The following SBNO1 variants were observed in gnomAD, a reference collection of about 807,000 sequenced individuals.
SBNO1 encodes the protein strawberry notch homolog 1, also known as protein strawberry notch homolog 1.
In SBNO1, 23 loss-of-function variants were observed where a neutral mutation model predicts 173.6. The observed-to-expected ratio is 0.13, with a 90% confidence interval of 0.10 to 0.19. The LOEUF (loss-of-function observed/expected upper bound fraction) is 0.19, where lower values mean the gene tolerates loss of function less well. SBNO1 is among the 10% of genes least tolerant of loss of function. The probability of loss-of-function intolerance (pLI) is 1.00; values close to 1 mark genes in which losing one functional copy is unlikely to be tolerated. For missense variants in SBNO1, 1,238 were observed against 1,671.2 expected, an observed-to-expected ratio of 0.74 and a Z score of 4.52; for synonymous variants, 632 against 571.5, an observed-to-expected ratio of 1.11 and a Z score of -1.51.
Position 123,334,206 on chromosome 12 carries a change from A to G in SBNO1, c.756T>C (p.Ile252=). The change falls in exon 7 of 32, where the codon ATT becomes ATC. Residue 252 remains isoleucine (I), a synonymous_variant. Coordinates refer to ENST00000602398, the MANE Select transcript of SBNO1 (RefSeq NM_001167856.3). Reference sequence around the variant, plus strand: ...CTACAGCATCTGGATGACGTAGGCCAATTTTTACTAAACAAAAATGTAAAA... The same window carrying G: ...CTACAGCATCTGGATGACGTAGGCCGATTTTTACTAAACAAAAATGTAAAA... The part of the protein sequence containing the change: ...YAEYMPIKLK[I]GLRHPDAVVE... 1 of 1,556,884 alleles carries G rather than the reference A, an allele frequency of 6.4e-7. No homozygotes were observed. Among genetic ancestry groups the G allele is most frequent in the Non-Finnish European group, 8.7e-7 (1 of 1,155,710 alleles).
rs538218167 is a variant in SBNO1 at position 123,299,681 on chromosome 12, C to CAAA, written c.3846-1513_3846-1511dup. On this transcript the variant is annotated intron_variant, in intron 30 of 31. Coordinates refer to ENST00000602398, the MANE Select transcript of SBNO1 (RefSeq NM_001167856.3). ...GGGCGACACAGCAAGACTCTGTCTT[C>CAAA]AAAAAAAAAAAAAAAAAACAAAAAA... 8.3e-3 allele frequency among the ~76,000 whole-genome samples: 783 copies of CAAA among 93,874 alleles called. 41 individuals are homozygous for CAAA. The highest frequency in any genetic ancestry group is 0.017 in the African/African-American group (367 of 20,984). The allele number at this position is 93,874 out of a possible 152,430, so 61.6% of individuals were successfully genotyped here.
intron 28 of SBNO1, 60 bp downstream of exon 28, chr12:123,309,250 A>T: frequency 8.1e-7 from 1 of 1,229,840 alleles, no homozygotes. Flanking sequence ...AGAGACAATT[A>T]CAATGCTGGC....
intron 10 of SBNO1, 63 bp from the exon 11 acceptor site, chr12:123,328,090 A>G (rs969122469): frequency 6.0e-6 from 8 of 1,329,138 alleles, no homozygotes; most frequent in Non-Finnish European, 8.4e-6. Context: ...CAGTCTTTCA[A>G]GAAGAGTTAA....
At chr12:123,310,975 T>G (rs1868410846) in intron 25 of SBNO1, 80 bp downstream of exon 25, 1 of 1,063,276 alleles carries the variant, frequency 9.4e-7, no homozygotes, top group African/African-American at 1.6e-5. Context: ...AAGCTTCCCC[T>G]TCAGCTCAAA....
chr12:123,339,421 G>C (rs1175444347), intron 5 of SBNO1, among the ~76,000 whole-genome samples: 4 of 151,708 alleles, frequency 2.6e-5, no homozygotes, highest in African/African-American at 9.7e-5. Context: ...TACTCAGTCT[G>C]CACCCCAACT....
chr12:123,330,282 G>A, intron 9 of SBNO1, 137 bp downstream of exon 9: 10 of 634,064 alleles, frequency 1.6e-5, no homozygotes. Context: ...ATAGTGGCTA[G>A]CACTCACTAT....
At chr12:123,306,632 G>GC (rs2048921380) in intron 28 of SBNO1, among the ~76,000 whole-genome samples, 1 of 152,110 alleles carries the variant, frequency 6.6e-6, no homozygotes, top group African/African-American at 2.4e-5. Context: ...GTGAGAGGAT[G>GC]GATCAAGCCC....
intron 1 of SBNO1, among the ~76,000 whole-genome samples, chr12:123,363,308 T>C (rs1460940347): frequency 1.3e-5 from 2 of 152,144 alleles, no homozygotes; most frequent in Non-Finnish European, 2.9e-5. Flanking sequence ...TGTGCAACGA[T>C]GATAGCTTTC....
At chr12:123,343,799 G>A (rs1305342550) in intron 4 of SBNO1, among the ~76,000 whole-genome samples, 5 of 152,086 alleles carry the variant, frequency 3.3e-5, no homozygotes, top group Admixed American at 2.0e-4. Context: ...GGCTCCAAAC[G>A]TGCTGGGATT....
rs1593316587 is a variant in SBNO1, at chr12:123,297,960, A to C, written c.4039+18T>G. On this transcript the variant is annotated intron_variant, in intron 31 of 31. Transcript: ENST00000602398. ...GATTTTTTCCTGCAACTCAAACCAA[A>C]ACAAAAATTAGACTCACCTACAATC... The C allele has an allele frequency of 2.5e-6, 4 of 1,608,334 alleles. No homozygotes were observed. In the East Asian group the frequency reaches 8.9e-5, roughly 36 times the overall value.
At chr12:123,317,632 G>A (rs143603744) in intron 20 of SBNO1, among the ~76,000 whole-genome samples, 82 of 152,260 alleles carry the variant, frequency 5.4e-4, no homozygotes, top group African/African-American at 1.8e-3. Flanking sequence ...AAATGTAGAG[G>A]TACTGACAAG....
chr12:123,307,518 G>C (rs2048950141), intron 28 of SBNO1, among the ~76,000 whole-genome samples: 1 of 152,144 alleles, frequency 6.6e-6, no homozygotes. Flanking sequence ...CATACATGTA[G>C]GTACTTCATA....
chr12:123,346,651 G>A (rs1004410111), intron 3 of SBNO1, among the ~76,000 whole-genome samples: 13 of 152,048 alleles, frequency 8.5e-5, no homozygotes, highest in African/African-American at 1.9e-4. Context: ...GCGACAGAGC[G>A]AGACTCCATC....
At chr12:123,357,688 G>A (rs1874623110) in intron 1 of SBNO1, among the ~76,000 whole-genome samples, 1 of 151,926 alleles carries the variant, frequency 6.6e-6, no homozygotes, top group Non-Finnish European at 1.5e-5. Context: ...CCGGAAAGTG[G>A]AGGTTACAGT....
intron 20 of SBNO1, among the ~76,000 whole-genome samples, chr12:123,319,206 C>G (rs1869673978): frequency 6.6e-6 from 1 of 152,060 alleles, no homozygotes; most frequent in Admixed American, 6.6e-5. Context: ...ACCTCATGAT[C>G]TGCCCATCTC....
chr12:123,346,687 A>C (rs966950626), intron 3 of SBNO1, among the ~76,000 whole-genome samples: 3 of 151,904 alleles, frequency 2.0e-5, no homozygotes, highest in Non-Finnish European at 2.9e-5. Context: ...TAAAAGAATA[A>C]AAATAATAAA....
At position 123,317,202 on chromosome 12, in the gene SBNO1, C is replaced by A; in HGVS notation, c.2935+19G>T. 6.2e-7 allele frequency: 1 copy of A among 1,612,934 alleles called. No homozygotes were observed. The highest frequency in any genetic ancestry group is 8.5e-7 in the Non-Finnish European group (1 of 1,179,172). On this transcript the variant is annotated intron_variant, in intron 21 of 31. Coordinates refer to ENST00000602398, the MANE Select transcript of SBNO1 (RefSeq NM_001167856.3). The stretch of plus-strand genomic sequence containing the variant: ...TTCCTAGCTATCCATTAAGTGAAAT[C>A]CAGTTTGTAGGAACTTACCGAACTG...
intron 23 of SBNO1, among the ~76,000 whole-genome samples, chr12:123,314,480 C>A (rs761146731): frequency 1.3e-5 from 2 of 152,020 alleles, no homozygotes; most frequent in African/African-American, 4.8e-5. Flanking sequence ...CAGGCGCACA[C>A]CACCACGCCC....
chr12:123,302,969 T>C, intron 29 of SBNO1, 69 bp from the exon 30 acceptor site: 1 of 1,187,288 alleles, frequency 8.4e-7, no homozygotes. Context: ...TAGTCTGGTC[T>C]GTAATTCTAG....
Sources: gnomAD v4.1 joint callset for allele counts (sites outside exome capture counted in the v4.1 genomes callset) on GRCh38, gnomAD v4.1.1 for gene constraint, MANE v1.5 for transcripts, NCBI Gene and HGNC (gene_info 2026-07-23, HGNC 2026-07-21) for gene names.